PSD3: variants seen among roughly 807,000 people sequenced by gnomAD.
PSD3 encodes the protein PH and SEC7 domain-containing protein 3.
In PSD3, 49 loss-of-function variants were observed where a neutral mutation model predicts 105.5. The observed-to-expected ratio is 0.46, with a 90% confidence interval of 0.37 to 0.59. The LOEUF is 0.59. Ranked by LOEUF, PSD3 falls within the 20% of genes least tolerant of loss-of-function variation. The pLI, the probability that PSD3 is intolerant of heterozygous loss-of-function variation, is 0.00. For synonymous variants in PSD3, 557 were observed against 457.8 expected (o/e 1.22, Z -2.77); for missense variants, 1,561 against 1,263.8 (o/e 1.24, Z -3.57).
chr8:18,981,828 T>C (rs755372129), intron 1 of PSD3, among the ~76,000 whole-genome samples: 3 of 152,226 alleles, frequency 2.0e-5, no homozygotes, highest in African/African-American at 4.8e-5. Context: ...TTCAGTAAGT[T>C]GTAATCTTTT....
chr8:18,696,501 C>T (rs1243590584), intron 9 of PSD3, among the ~76,000 whole-genome samples: 1 of 152,178 alleles, frequency 6.6e-6, no homozygotes, highest in Non-Finnish European at 1.5e-5. Context: ...TTTTACTAAG[C>T]AGCACGTTGC....
intron 8 of PSD3, among the ~76,000 whole-genome samples, chr8:18,798,758 A>C (rs1437357157): frequency 6.6e-6 from 1 of 152,154 alleles, no homozygotes; most frequent in African/African-American, 2.4e-5. Context: ...TACTTCTACA[A>C]AACTTGCAAA....
At chr8:18,804,626 G>C (rs1010531772) in intron 5 of PSD3, 24 bp from the exon 6 acceptor site, 6 of 1,610,436 alleles carry the variant, frequency 3.7e-6, no homozygotes, top group African/African-American at 1.3e-5. Context: ...GAATAGACTT[G>C]GTTATTGAAA....
intron 4 of PSD3, among the ~76,000 whole-genome samples, chr8:18,867,323 G>T (rs1021821149): frequency 2.0e-5 from 3 of 152,138 alleles, no homozygotes; most frequent in African/African-American, 7.2e-5. Context: ...ACCACCCTCA[G>T]TGCCAGACTA....
chr8:19,039,766 T>A (rs952134996), intron 1 of PSD3, among the ~76,000 whole-genome samples: 3 of 152,160 alleles, frequency 2.0e-5, no homozygotes, highest in Non-Finnish European at 4.4e-5. Context: ...TTCCTCTCAT[T>A]AATGTATATT....
intron 8 of PSD3, among the ~76,000 whole-genome samples, chr8:18,796,959 G>A (rs902423886): frequency 6.6e-6 from 1 of 151,888 alleles, no homozygotes; most frequent in African/African-American, 2.4e-5. Flanking sequence ...ATTTCATAGG[G>A]GCCATGCTGA....
intron 2 of PSD3, among the ~76,000 whole-genome samples, chr8:18,899,067 C>G (rs1037572817): frequency 2.0e-5 from 3 of 152,188 alleles, no homozygotes; most frequent in African/African-American, 7.2e-5. Context: ...CAAAAACAGT[C>G]TGGAATCATG....
At chr8:19,010,705 T>C (rs1188193153) in intron 1 of PSD3, among the ~76,000 whole-genome samples, 2 of 151,960 alleles carry the variant, frequency 1.3e-5, no homozygotes, top group African/African-American at 4.8e-5. Context: ...GCATACAATA[T>C]CACAAACAAC....
chr8:18,618,175 T>C (rs997834872), intron 11 of PSD3, among the ~76,000 whole-genome samples: 70 of 152,108 alleles, frequency 4.6e-4, no homozygotes, highest in African/African-American at 1.3e-3. Flanking sequence ...TTTCAAGCAA[T>C]TGACAATCAG....
intron 4 of PSD3, among the ~76,000 whole-genome samples, chr8:18,811,800 T>G (rs1204043096): frequency 1.1e-4 from 17 of 152,178 alleles, no homozygotes; most frequent in Non-Finnish European, 1.5e-4. Flanking sequence ...CAAATGGGCT[T>G]GTGGGATGGA....
chr8:18,555,709 G>C (rs1801027010), intron 15 of PSD3, among the ~76,000 whole-genome samples: 1 of 152,196 alleles, frequency 6.6e-6, no homozygotes, highest in Non-Finnish European at 1.5e-5. Flanking sequence ...ATAGATGGAT[G>C]TGCCACAACT....
intron 11 of PSD3, among the ~76,000 whole-genome samples, chr8:18,614,843 C>G (rs1404796668): frequency 2.6e-5 from 4 of 151,532 alleles, no homozygotes; most frequent in South Asian, 4.2e-4. Context: ...GCAATGTTGC[C>G]CCGGCTGGTC....
intron 2 of PSD3, among the ~76,000 whole-genome samples, chr8:18,883,150 T>C (rs1818227062): frequency 6.6e-6 from 1 of 152,182 alleles, no homozygotes; most frequent in Non-Finnish European, 1.5e-5. Context: ...AGAGGATTTG[T>C]ATACACGTTA....
intron 2 of PSD3, among the ~76,000 whole-genome samples, chr8:18,927,212 T>G (rs1000875802): frequency 6.6e-6 from 1 of 151,946 alleles, no homozygotes; most frequent in Non-Finnish European, 1.5e-5. Flanking sequence ...CCTTTCGGGT[T>G]TTTTTGTTTT....
chr8:18,532,913 T>C lies in PSD3; in HGVS notation c.*2830A>G, dbSNP rs1273443614. On this transcript the variant is annotated 3_prime_UTR_variant, in exon 16 of 16. Coordinates refer to ENST00000327040, the MANE Select transcript of PSD3 (RefSeq NM_015310.4). ...GTACTAGAAATTAATATGAAGTGTA[T>C]TGACGTGAAGAAGAATGATTTATCA... 2.0e-5 allele frequency: 3 copies of C among 152,130 alleles called. No homozygotes were observed. Among genetic ancestry groups the C allele is most frequent in the African/African-American group, 7.2e-5 (3 of 41,408 alleles). The allele number at this position is 152,130 out of a possible 1,614,324, so 9.4% of individuals were successfully genotyped here.
At chr8:18,977,335 G>T (rs1824998985) in intron 1 of PSD3, among the ~76,000 whole-genome samples, 1 of 151,552 alleles carries the variant, frequency 6.6e-6, no homozygotes, top group Non-Finnish European at 1.5e-5. Flanking sequence ...GTATGGCTTT[G>T]GGAATTAAAC....
intron 15 of PSD3, among the ~76,000 whole-genome samples, chr8:18,544,197 A>AAAAAAAAAAAAAAAAAAAAAG (rs1800323413): frequency 7.5e-6 from 1 of 132,532 alleles, no homozygotes; most frequent in Non-Finnish European, 1.6e-5. Flanking sequence ...AAAAAAAAAA[A>AAAAAAAAAAAAAAAAAAAAAG]ACCAAACAAA....
At chr8:18,718,054 C>T (rs1802712872) in intron 9 of PSD3, among the ~76,000 whole-genome samples, 1 of 152,144 alleles carries the variant, frequency 6.6e-6, no homozygotes, top group Non-Finnish European at 1.5e-5. Flanking sequence ...AACAGTCTTT[C>T]TTCAAGCACA....
intron 11 of PSD3, among the ~76,000 whole-genome samples, chr8:18,606,861 T>C (rs2130613196): frequency 1.3e-5 from 2 of 152,344 alleles, no homozygotes; most frequent in South Asian, 2.1e-4. Flanking sequence ...ATACGTTCTA[T>C]GTGTTCCAAA....
Sources: allele counts gnomAD v4.1 joint callset (sites outside exome capture counted in the v4.1 genomes callset), GRCh38; gene constraint gnomAD v4.1.1; transcripts MANE v1.5; gene names NCBI Gene and HGNC (gene_info 2026-07-23, HGNC 2026-07-21).